Variants in ZNF823 observed in about 807,000 individuals in gnomAD.
The protein encoded by ZNF823 is zinc finger protein 823.
ZNF823 carries 5 observed loss-of-function variants against 11.4 expected under a neutral mutation model. The ratio of observed to expected loss-of-function variants is 0.44; its 90% CI spans 0.23 to 0.92. The LOEUF is 0.92. ZNF823 is among the 40% of genes least tolerant of loss of function. The pLI is 0.24. For missense variants in ZNF823, 582 were observed against 738.5 expected (o/e 0.79, Z 2.46); for synonymous variants, 234 against 250.5 (o/e 0.93, Z 0.62).
At chr19:11,726,484 C>T (rs1974795562) in intron 1 of ZNF823, among the ~76,000 whole-genome samples, 1 of 140,712 alleles carries the variant, frequency 7.1e-6, no homozygotes, top group South Asian at 2.2e-4. Flanking sequence ...GGCTTTAAGA[C>T]TTGATTGGAT....
rs768563424 is a variant in ZNF823 at position 11,721,571 on chromosome 19, A to C, written c.*130T>G. 1.3e-4 allele frequency: 114 copies of C among 888,852 alleles called. No individual in the cohort carries two copies. Among genetic ancestry groups the C allele is most frequent in the Non-Finnish European group, 1.9e-4 (110 of 594,272 alleles). The allele number at this position is 888,852 out of a possible 1,614,324, so 55.1% of individuals were successfully genotyped here. On this transcript the variant is annotated 3_prime_UTR_variant, in exon 4 of 4. Coordinates refer to ENST00000341191, the MANE Select transcript of ZNF823 (RefSeq NM_001080493.4). The stretch of plus-strand genomic sequence containing the variant: ...ATCCCCTGCAATATATTGGGGGATA[A>C]CTGTATTTAAAAAAATTGAAACTAC...
At chr19:11,725,769 T>C (rs966634830) in intron 1 of ZNF823, among the ~76,000 whole-genome samples, 7 of 152,112 alleles carry the variant, frequency 4.6e-5, no homozygotes, top group African/African-American at 1.4e-4. Flanking sequence ...ATGTAACTAA[T>C]AACAGAGGCT....
intron 1 of ZNF823, among the ~76,000 whole-genome samples, chr19:11,737,998 T>G (rs759808769): frequency 6.6e-6 from 1 of 152,204 alleles, no homozygotes; most frequent in Non-Finnish European, 1.5e-5. Flanking sequence ...GGATTCTGCC[T>G]GGTGACCCTC....
chr19:11,728,810 A>C (rs1974842450), intron 1 of ZNF823, among the ~76,000 whole-genome samples: 1 of 151,122 alleles, frequency 6.6e-6, no homozygotes, highest in Non-Finnish European at 1.5e-5. Context: ...CAATTATGTC[A>C]ATACCACTTT....
chr19:11,728,271 T>TTCAACCACC (rs1167544424), intron 1 of ZNF823, among the ~76,000 whole-genome samples: 2 of 152,108 alleles, frequency 1.3e-5, no homozygotes, highest in Non-Finnish European at 1.5e-5. Context: ...ACAGAAAGCC[T>TTCAACCACC]TCAACCACCT....
chr19:11,728,375 G>C (rs1022828906), intron 1 of ZNF823, among the ~76,000 whole-genome samples: 1 of 152,158 alleles, frequency 6.6e-6, no homozygotes, highest in Non-Finnish European at 1.5e-5. Flanking sequence ...TTAGGGTACT[G>C]AAAAGCACAC....
chr19:11,726,670 T>C (rs1202339035), intron 1 of ZNF823, among the ~76,000 whole-genome samples: 1 of 152,116 alleles, frequency 6.6e-6, no homozygotes, highest in Non-Finnish European at 1.5e-5. Flanking sequence ...GCAAGGAGGC[T>C]CTTACCAGAT....
chr19:11,731,875 G>A (rs1256522120), intron 1 of ZNF823, among the ~76,000 whole-genome samples: 1 of 151,922 alleles, frequency 6.6e-6, no homozygotes, highest in East Asian at 2.0e-4. Flanking sequence ...CATGCATGGT[G>A]GCGCATGCCT....
In ZNF823 at chr19:11,723,236, T is replaced by G; in HGVS notation, c.298A>C (p.Ser100Arg). The change falls in exon 4 of 4, where the codon AGT (serine) becomes CGT (arginine). Residue 100 changes from serine (S) to arginine (R), a missense_variant. Physicochemically the swap from Ser to Arg is moderately radical, Grantham distance 110. Around this residue, in one of 3 missense-constraint regions of ZNF823, gnomAD observed 429 missense variants for 553.7 expected, o/e 0.77. Transcript: ENST00000341191. ...AAGACGACTTCTCCACACTCACCAC[T>G]GTCACATGGATTTACTCGAGGAGTG... is the stretch of plus-strand genomic sequence containing the variant. ...KNTPRVNPCD[S>R]GECGEVVLGH... 1 of 1,614,088 alleles carries G rather than the reference T, an allele frequency of 6.2e-7. No individual in the cohort carries two copies. The highest frequency in any genetic ancestry group is 1.1e-5 in the South Asian group (1 of 91,088).
chr19:11,728,043 A>T (rs1012260419), intron 1 of ZNF823, among the ~76,000 whole-genome samples: 2 of 151,872 alleles, frequency 1.3e-5, no homozygotes, highest in African/African-American at 4.8e-5. Context: ...CGATTAGCTA[A>T]TTTTTTTGTA....
chr19:11,725,052 A>T (rs558612855), intron 2 of ZNF823, 149 bp downstream of exon 2: 5 of 1,023,450 alleles, frequency 4.9e-6, no homozygotes, highest in African/African-American at 3.2e-5. Flanking sequence ...TAGAGGATGT[A>T]AGACTGTTTG....
chr19:11,738,734 G>A, intron 1 of ZNF823, 83 bp downstream of exon 1: 1 of 1,487,786 alleles, frequency 6.7e-7, no homozygotes, highest in Non-Finnish European at 9.0e-7. Context: ...CCCAGGGCGA[G>A]GCCCGGGTCC....
At position 11,723,353 on chromosome 19, in the gene ZNF823, TAAGA is replaced by T. The variant is rs1568466342; in HGVS notation, c.192-15_192-12del. ...TCACATGTATGACTTCTGTAACAAA[TAAGA>T]AATATATTACTAAAGGTTTGTTTAT... is the stretch of plus-strand genomic sequence containing the variant. On this transcript the variant is annotated splice_polypyrimidine_tract_variant and intron_variant, in intron 3 of 3. Coordinates refer to ENST00000341191, the MANE Select transcript of ZNF823 (RefSeq NM_001080493.4). 6.4e-7 allele frequency: 1 copy of T among 1,568,158 alleles called. No homozygotes were observed. Among genetic ancestry groups the T allele is most frequent in the South Asian group, 1.2e-5 (1 of 85,752 alleles).
At chr19:11,737,678 T>C (rs1159846565) in intron 1 of ZNF823, among the ~76,000 whole-genome samples, 3 of 151,594 alleles carry the variant, frequency 2.0e-5, no homozygotes, top group East Asian at 3.9e-4. Flanking sequence ...TACATTGCTA[T>C]GTGAAAAGAA....
chr19:11,723,381 A>G, intron 3 of ZNF823, 39 bp from the exon 4 acceptor site: 11 of 1,470,592 alleles, frequency 7.5e-6, no homozygotes, highest in African/African-American at 1.4e-5. Flanking sequence ...AGGTTTGTTT[A>G]TAAGTGATTT....
intron 1 of ZNF823, among the ~76,000 whole-genome samples, chr19:11,733,428 T>C (rs1310799667): frequency 6.7e-6 from 1 of 149,540 alleles, no homozygotes; most frequent in African/African-American, 2.5e-5. Context: ...AGGCTGGGCA[T>C]GGTGACTCAC....
chr19:11,732,009 C>CAAAAAAAA (rs34026773), intron 1 of ZNF823, among the ~76,000 whole-genome samples: 1 of 96,946 alleles, frequency 1.0e-5, no homozygotes, highest in Non-Finnish European at 2.1e-5. Context: ...AACTCCGTCT[C>CAAAAAAAA]AAAAAAAAAA....
chr19:11,725,023 G>C (rs79520721), intron 2 of ZNF823, among the ~76,000 whole-genome samples, 178 bp downstream of exon 2: 1 of 152,044 alleles, frequency 6.6e-6, no homozygotes, highest in African/African-American at 2.4e-5. Context: ...GTTAAGTTGC[G>C]GGGGACAAAA....
At chr19:11,732,690 C>A (rs1055750610) in intron 1 of ZNF823, among the ~76,000 whole-genome samples, 1 of 152,090 alleles carries the variant, frequency 6.6e-6, no homozygotes, top group Non-Finnish European at 1.5e-5. Flanking sequence ...ACCTCGGCCT[C>A]CCAATGTGCT....
Sources: allele counts gnomAD v4.1 joint callset (sites outside exome capture counted in the v4.1 genomes callset), GRCh38; gene constraint gnomAD v4.1.1; regional missense constraint gnomAD v4.1.1; transcripts MANE v1.5; gene names NCBI Gene and HGNC (gene_info 2026-07-23, HGNC 2026-07-21).